The following RBM33 variants were observed in gnomAD, a reference collection of about 807,000 sequenced individuals.
RBM33 encodes the protein RNA-binding protein 33.
In RBM33, 28 loss-of-function variants were observed where a neutral mutation model predicts 132.6. That is an observed-to-expected ratio of 0.21 (90% CI 0.16 to 0.29). The LOEUF (loss-of-function observed/expected upper bound fraction) is 0.29, where lower values mean the gene tolerates loss of function less well. Ranked by LOEUF, RBM33 falls within the 10% of genes least tolerant of loss-of-function variation. The pLI, the probability that RBM33 is intolerant of heterozygous loss-of-function variation, is 1.00. For synonymous variants in RBM33, 634 were observed against 593.0 expected (o/e 1.07, Z -1.01); for missense variants, 1,291 against 1,518.5 (o/e 0.85, Z 2.49).
At chr7:155,684,082 C>T (rs930718158) in intron 5 of RBM33, among the ~76,000 whole-genome samples, 9 of 152,160 alleles carry the variant, frequency 5.9e-5, no homozygotes, top group African/African-American at 1.7e-4. Context: ...TTCAGATTGT[C>T]TTGAGAGAAT....
At chr7:155,740,603 A>T (rs916272555) in intron 12 of RBM33, among the ~76,000 whole-genome samples, 1 of 152,254 alleles carries the variant, frequency 6.6e-6, no homozygotes, top group African/African-American at 2.4e-5. Context: ...CACCATCAGC[A>T]AATGTGTGAC....
At chr7:155,769,118 T>C (rs1056807306) in intron 16 of RBM33, among the ~76,000 whole-genome samples, 1 of 152,222 alleles carries the variant, frequency 6.6e-6, no homozygotes, top group African/African-American at 2.4e-5. Flanking sequence ...AGAAATGTCA[T>C]AACCAGAAGA....
At chr7:155,767,147 T>C (rs1332977498) in intron 16 of RBM33, among the ~76,000 whole-genome samples, 1 of 152,254 alleles carries the variant, frequency 6.6e-6, no homozygotes, top group East Asian at 1.9e-4. Flanking sequence ...CTAACTCTAA[T>C]GCTGAAACAT....
At chr7:155,686,033 C>T (rs1799468261) in intron 5 of RBM33, among the ~76,000 whole-genome samples, 2 of 152,312 alleles carry the variant, frequency 1.3e-5, no homozygotes, top group East Asian at 3.9e-4. Flanking sequence ...TCCCCCTCCA[C>T]CAAACTAAAT....
At chr7:155,741,763 T>C (rs1801343716) in intron 12 of RBM33, 56 bp from the exon 13 acceptor site, 1 of 1,484,784 alleles carries the variant, frequency 6.7e-7, no homozygotes, top group African/African-American at 1.4e-5. Flanking sequence ...TGCCTTTTAA[T>C]GTTCCTTCTG....
At chr7:155,707,578 T>C (rs1384912647) in intron 7 of RBM33, among the ~76,000 whole-genome samples, 2 of 152,218 alleles carry the variant, frequency 1.3e-5, no homozygotes, top group Non-Finnish European at 2.9e-5. Flanking sequence ...ATCATGTACC[T>C]GTAATTTCAA....
intron 1 of RBM33, among the ~76,000 whole-genome samples, chr7:155,658,748 A>C (rs1249226616): frequency 6.6e-6 from 1 of 152,218 alleles, no homozygotes; most frequent in Non-Finnish European, 1.5e-5. Context: ...GACAGAAGGT[A>C]GTCAAGTGGG....
chr7:155,644,695 T>C lies in RBM33; in HGVS notation c.-182T>C. On this transcript the variant is annotated 5_prime_UTR_variant, in exon 1 of 18. Coordinates refer to ENST00000401878, the MANE Select transcript of RBM33 (RefSeq NM_053043.3). Reference sequence around the variant, plus strand: ...CGCGCGGCCATGTTGCGGTAGTTTGTTGTTTTCTTCCTGCGGAGGCGAAGG... The same window carrying C: ...CGCGCGGCCATGTTGCGGTAGTTTGCTGTTTTCTTCCTGCGGAGGCGAAGG... The C allele has an allele frequency of 2.2e-6, 1 of 461,194 alleles. No individual in the cohort carries two copies. The highest frequency in any genetic ancestry group is 3.8e-6 in the Non-Finnish European group (1 of 263,274). 28.6% of individuals were successfully genotyped at this position (461,194 alleles called of 1,614,324 possible). A position where few individuals can be genotyped will look rare whatever the true frequency, so the allele number is the denominator to read the frequency against.
intron 8 of RBM33, among the ~76,000 whole-genome samples, chr7:155,714,112 C>T (rs1170093450): frequency 1.3e-5 from 2 of 152,064 alleles, no homozygotes; most frequent in African/African-American, 4.8e-5. Flanking sequence ...GGCTGCTGAG[C>T]CCTTGAGGGG....
intron 3 of RBM33, among the ~76,000 whole-genome samples, chr7:155,673,943 T>TTGCTTTTTTTTTG (rs1563138289): frequency 1.2e-4 from 2 of 17,316 alleles, no homozygotes; most frequent in African/African-American, 5.0e-4. Flanking sequence ...AGGCTTAGTT[T>TTGCTTTTTTTTTG]TTTTTTTTTT....
At chr7:155,743,841 G>A (rs1801428233) in intron 13 of RBM33, among the ~76,000 whole-genome samples, 1 of 152,106 alleles carries the variant, frequency 6.6e-6, no homozygotes, top group African/African-American at 2.4e-5. Context: ...CTGTGAATAT[G>A]TCCCCAGCCG....
chr7:155,697,050 G>A (rs958409684), intron 5 of RBM33, among the ~76,000 whole-genome samples: 4 of 152,178 alleles, frequency 2.6e-5, no homozygotes, highest in African/African-American at 7.2e-5. Context: ...GTCAAGCAGT[G>A]TCTGCCAGTT....
chr7:155,673,940 G>GTTGTTGTTTGTTTTTGTTTTTTTTTTTTT, intron 3 of RBM33, among the ~76,000 whole-genome samples: 5 of 54,212 alleles, frequency 9.2e-5, no homozygotes, highest in Non-Finnish European at 1.3e-4. Context: ...TTTAGGCTTA[G>GTTGTTGTTTGTTTTTGTTTTTTTTTTTTT]TTTTTTTTTT....
At position 155,774,791 on chromosome 7, in the gene RBM33, A is replaced by G. The variant is rs1802548902; in HGVS notation, c.3464+144A>G. ...ACTAGGGCACAAAGCGCAGACGGTG[A>G]TCCTGTCATGAGGCGCGCGTCCTTT... On this transcript the variant is annotated intron_variant, in intron 17 of 17. Transcript: ENST00000401878. The surrounding 1 kb of genome is among the most constrained non-coding windows in gnomAD (Gnocchi z 4.2). The G allele has an allele frequency of 4.9e-6, 4 of 822,170 alleles. No individual in the cohort carries two copies. The highest frequency in any genetic ancestry group is 4.6e-5 in the South Asian group (3 of 65,630). The allele number at this position is 822,170 out of a possible 1,614,324, so 50.9% of individuals were successfully genotyped here. A position where few individuals can be genotyped will look rare whatever the true frequency, so the allele number is the denominator to read the frequency against.
At chr7:155,744,787 T>TC (rs879509876) in intron 13 of RBM33, among the ~76,000 whole-genome samples, 174 bp from the exon 14 acceptor site, 2 of 151,878 alleles carry the variant, frequency 1.3e-5, no homozygotes, top group African/African-American at 2.4e-5. Flanking sequence ...GTGGTTTTTT[T>TC]CCCCCTCCCC....
intron 9 of RBM33, among the ~76,000 whole-genome samples, chr7:155,731,581 C>T (rs2117013517): frequency 6.6e-6 from 1 of 152,302 alleles, no homozygotes; most frequent in South Asian, 2.1e-4. Context: ...AGCATGGATC[C>T]TCTGGACAAA....
intron 1 of RBM33, among the ~76,000 whole-genome samples, chr7:155,661,116 G>T (rs1168776176): frequency 7.2e-5 from 5 of 68,978 alleles, no homozygotes; most frequent in Non-Finnish European, 1.8e-4. Flanking sequence ...GTGTGTGTGT[G>T]TGTGTGTGTG....
rs1802553128 is a variant in RBM33, at chr7:155,774,902, AC to A, written c.3465-88del. On this transcript the variant is annotated intron_variant, in intron 17 of 17. Transcript: ENST00000401878. This position sits in a 1 kb window ranked among gnomAD's most constrained non-coding sequence, Gnocchi z 4.2. ...ATATGATGCGTTTTTATTAAACAGG[AC>A]CCACCGGGCTCTTTTAGTTTCCTCC... The A allele has an allele frequency of 1.7e-6, 2 of 1,152,896 alleles. No homozygotes were observed. The allele number at this position is 1,152,896 out of a possible 1,614,324, so 71.4% of individuals were successfully genotyped here.
At chr7:155,652,136 G>T (rs575730115) in intron 1 of RBM33, among the ~76,000 whole-genome samples, 21 of 152,310 alleles carry the variant, frequency 1.4e-4, no homozygotes, top group Non-Finnish European at 2.5e-4. Flanking sequence ...GACTATTAGT[G>T]ATTTGGACTA....
Sources: allele counts gnomAD v4.1 joint callset (sites outside exome capture counted in the v4.1 genomes callset), GRCh38; gene constraint gnomAD v4.1.1; non-coding constraint Gnocchi (gnomAD v3.1); transcripts MANE v1.5; gene names NCBI Gene and HGNC (gene_info 2026-07-23, HGNC 2026-07-21).